Variants in FBXO17 observed in about 807,000 individuals in gnomAD.
FBXO17 encodes F-box protein 17.
In FBXO17, 43 loss-of-function variants were observed where a neutral mutation model predicts 34.1. The ratio of observed to expected loss-of-function variants is 1.26; its 90% CI spans 0.99 to 1.62. The LOEUF is 1.62. Among genes scored for constraint, FBXO17 ranks in the 40% most tolerant of loss-of-function variants. The pLI is 0.00. For synonymous variants in FBXO17, 169 were observed against 166.0 expected (o/e 1.02, Z -0.14); for missense variants, 424 against 386.7 (o/e 1.10, Z -0.81).
At chr19:38,953,231 C>T (rs577259453) in intron 1 of FBXO17, among the ~76,000 whole-genome samples, 10 of 152,032 alleles carry the variant, frequency 6.6e-5, no homozygotes, top group Non-Finnish European at 1.2e-4. Flanking sequence ...CGCTGGAGCC[C>T]GGGAGTTGGA....
chr19:38,946,601 C>G (rs768925551), intron 3 of FBXO17, 34 bp from the exon 4 acceptor site: 3 of 1,595,088 alleles, frequency 1.9e-6, no homozygotes, highest in East Asian at 4.6e-5. Flanking sequence ...GCAGGGCAAA[C>G]AGTCCTGGCA....
chr19:38,950,228 C>A lies in FBXO17; in HGVS notation c.92G>T (p.Ser31Ile). ...GACCAAGGAGCGTGGCGGCACGTGG[C>A]TCAGCACCTGCACCAGCAGCTCCGG... ...LPPELLVQVL[S>I]HVPPRSLVTR... Residue 31 changes from serine to isoleucine, a missense_variant, in exon 2 of 6, where the codon AGC becomes ATC. Ser to Ile is a moderately radical substitution (Grantham distance 142, BLOSUM62 -2). Coordinates refer to ENST00000292852, the MANE Select transcript of FBXO17 (RefSeq NM_024907.7). 6.5e-7 allele frequency: 1 copy of A among 1,540,656 alleles called. No individual in the cohort carries two copies. Among genetic ancestry groups the A allele is most frequent in the East Asian group, 2.5e-5 (1 of 40,398 alleles).
At position 38,954,570 on chromosome 19, in the gene FBXO17, G is replaced by A. The variant is rs1346177894; in HGVS notation, c.-17-4234C>T. Among the ~76,000 whole-genome samples, 3 of 128,324 alleles carry A rather than the reference G, an allele frequency of 2.3e-5. No individual in the cohort carries two copies. In the East Asian group the frequency reaches 7.8e-4, roughly 33 times the overall value. The allele number at this position is 128,324 out of a possible 152,430, so 84.2% of individuals were successfully genotyped here. On this transcript the variant is annotated intron_variant, in intron 1 of 5. Coordinates refer to ENST00000292852, the MANE Select transcript of FBXO17 (RefSeq NM_024907.7). ...CAGGTGTGAGCCACTGCGCCGGGCCGAGAATGTGTTTTTTTTTTTTTTTTT... is the reference window on the plus strand; with the variant it reads ...CAGGTGTGAGCCACTGCGCCGGGCCAAGAATGTGTTTTTTTTTTTTTTTTT...
At chr19:38,951,823 T>C (rs1975088370) in intron 1 of FBXO17, among the ~76,000 whole-genome samples, 1 of 67,692 alleles carries the variant, frequency 1.5e-5, no homozygotes, top group South Asian at 4.6e-4. Flanking sequence ...CTAATTTTTG[T>C]ATCTTTAAGG....
At chr19:38,944,226 A>ATG (rs1326565449) in intron 5 of FBXO17, among the ~76,000 whole-genome samples, 1 of 148,278 alleles carries the variant, frequency 6.7e-6, no homozygotes, top group Admixed American at 6.8e-5. Context: ...CCACAGGAGC[A>ATG]TTACAAGCAG....
rs756079211 is a variant in FBXO17, at chr19:38,950,058, T to A, written c.262A>T (p.Lys88Ter). The A allele has an allele frequency of 7.0e-5, 110 of 1,568,674 alleles. No individual in the cohort carries two copies. Among genetic ancestry groups the A allele is most frequent in the Middle Eastern group, 3.3e-4 (2 of 6,034 alleles). ...AGGGCGCACAGCGGGAACTCCTCCT[T>A]GTCTTCGTTGCTGGGCAGGCAGCGT... The part of the protein sequence containing the change: ...AQRCLPSNED[K>*]EEFPLCALAR... The change falls in exon 2 of 6, where the codon AAG (lysine) becomes TAG (stop). Residue 88 changes from lysine (K) to a stop codon, truncating the protein, a stop_gained. Coordinates refer to ENST00000292852, the MANE Select transcript of FBXO17 (RefSeq NM_024907.7). LOFTEE classifies it high-confidence loss of function.
chr19:38,942,445 G>T lies in FBXO17; in HGVS notation c.*163C>A. Reference sequence around the variant, plus strand: ...CTGGCTAATTTTTTAAAAATTATTTGTGGAGACGGTTTCACTATGTTGCCC... The same window carrying T: ...CTGGCTAATTTTTTAAAAATTATTTTTGGAGACGGTTTCACTATGTTGCCC... On this transcript the variant is annotated 3_prime_UTR_variant, in exon 6 of 6. Coordinates refer to ENST00000292852, the MANE Select transcript of FBXO17 (RefSeq NM_024907.7). 1 of 640,084 alleles carries T rather than the reference G, an allele frequency of 1.6e-6. No homozygotes were observed. Among genetic ancestry groups the T allele is most frequent in the Non-Finnish European group, 2.3e-6 (1 of 431,910 alleles). 39.7% of individuals were successfully genotyped at this position (640,084 alleles called of 1,614,324 possible). A position where few individuals can be genotyped will look rare whatever the true frequency, so the allele number is the denominator to read the frequency against.
At chr19:38,943,974 A>C (rs928994611) in intron 5 of FBXO17, among the ~76,000 whole-genome samples, 1 of 152,036 alleles carries the variant, frequency 6.6e-6, no homozygotes, top group Non-Finnish European at 1.5e-5. Flanking sequence ...CCTAATTCCC[A>C]TCACCCCAGG....
At chr19:38,944,604 T>C (rs867947600) in intron 5 of FBXO17, 7 of 198,430 alleles carry the variant, frequency 3.5e-5, no homozygotes, top group Admixed American at 1.1e-4. Context: ...TGGTGCCAGA[T>C]TGGGCTTGAG....
intron 3 of FBXO17, chr19:38,946,819 TG>T: frequency 1.9e-6 from 1 of 531,746 alleles, no homozygotes. Context: ...CTCATCTTTG[TG>T]GGACAGGACA....
At chr19:38,963,624 A>G (rs1568444808) in intron 1 of FBXO17, among the ~76,000 whole-genome samples, 1 of 151,954 alleles carries the variant, frequency 6.6e-6, no homozygotes, top group African/African-American at 2.4e-5. Flanking sequence ...TCAGTAGTCT[A>G]TTCCTTTTTA....
At chr19:38,952,382 C>G (rs1216130478) in intron 1 of FBXO17, among the ~76,000 whole-genome samples, 1 of 152,206 alleles carries the variant, frequency 6.6e-6, no homozygotes, top group East Asian at 1.9e-4. Context: ...GAACCCATGA[C>G]CCATCTTCAA....
chr19:38,954,895 T>A (rs1325117553), intron 1 of FBXO17, among the ~76,000 whole-genome samples: 7 of 134,216 alleles, frequency 5.2e-5, no homozygotes, highest in African/African-American at 8.6e-5. Context: ...AATGTGTTAT[T>A]TTATTATTAT....
chr19:38,950,980 C>CG (rs1457043759), intron 1 of FBXO17, among the ~76,000 whole-genome samples: 1 of 151,518 alleles, frequency 6.6e-6, no homozygotes, highest in African/African-American at 2.4e-5. Context: ...TTAGTAGAGA[C>CG]GGGGTTTCAC....
chr19:38,973,795 C>T (rs889004598), intron 1 of FBXO17, among the ~76,000 whole-genome samples: 3 of 151,636 alleles, frequency 2.0e-5, no homozygotes, highest in East Asian at 3.9e-4. Flanking sequence ...CTGGGTAACA[C>T]GGCAAAACCC....
intron 4 of FBXO17, 58 bp from the exon 5 acceptor site, chr19:38,945,162 G>A (rs529246655): frequency 1.1e-5 from 17 of 1,602,106 alleles, no homozygotes; most frequent in Middle Eastern, 1.7e-4. Flanking sequence ...TCTGGGTTTC[G>A]GGGCGGGAGG....
At position 38,942,687 on chromosome 19, in the gene FBXO17, C is replaced by T. The variant is rs1974909007; in HGVS notation, c.758G>A (p.Arg253Lys). 6.2e-7 allele frequency: 1 copy of T among 1,606,042 alleles called. No homozygotes were observed. Among genetic ancestry groups the T allele is most frequent in the African/African-American group, 1.3e-5 (1 of 74,224 alleles). The part of the protein sequence containing the change: ...IRYVSFEQYG[R>K]DVSSWVGHYG... Reference sequence around the variant, plus strand: ...GTGCCCCACCCAGGAACTCACGTCTCTCCCGTACTGCTCAAAAGATACGTA... The same window carrying T: ...GTGCCCCACCCAGGAACTCACGTCTTTCCCGTACTGCTCAAAAGATACGTA... The change falls in exon 6 of 6, where the codon AGA (arginine) becomes AAA (lysine). Residue 253 changes from arginine to lysine, a missense_variant. By Grantham distance (26) the Arg-to-Lys change is conservative (BLOSUM62 2). Transcript: ENST00000292852.
chr19:38,970,864 G>A (rs924762789), intron 1 of FBXO17, among the ~76,000 whole-genome samples: 3 of 152,066 alleles, frequency 2.0e-5, no homozygotes, highest in Non-Finnish European at 4.4e-5. Context: ...ACTTTGGGAG[G>A]TCAAGGCAGG....
intron 1 of FBXO17, among the ~76,000 whole-genome samples, chr19:38,964,207 A>G (rs1186828532): frequency 6.6e-6 from 1 of 152,162 alleles, no homozygotes; most frequent in Non-Finnish European, 1.5e-5. Flanking sequence ...CTGCATTCCC[A>G]AAAATTCTAT....
Sources: allele counts gnomAD v4.1 joint callset (sites outside exome capture counted in the v4.1 genomes callset), GRCh38; gene constraint gnomAD v4.1.1; transcripts MANE v1.5; gene names NCBI Gene and HGNC (gene_info 2026-07-23, HGNC 2026-07-21).